Variants in MCCC1 observed in about 807,000 individuals in gnomAD.
MCCC1 encodes the protein methylcrotonyl-CoA carboxylase subunit 1, also known as methylcrotonoyl-CoA carboxylase subunit alpha, mitochondrial.
In MCCC1, 64 loss-of-function variants were observed where a neutral mutation model predicts 83.8. The ratio of observed to expected loss-of-function variants is 0.76; its 90% CI spans 0.62 to 0.94. The LOEUF (loss-of-function observed/expected upper bound fraction) is 0.94, where lower values mean the gene tolerates loss of function less well. Ranked by LOEUF, MCCC1 falls within the 40% of genes least tolerant of loss-of-function variation. MCCC1 has a pLI of 0.00. For synonymous variants in MCCC1, 322 were observed against 315.4 expected, an observed-to-expected ratio of 1.02 and a Z score of -0.22; for missense variants, 807 against 904.7, an observed-to-expected ratio of 0.89 and a Z score of 1.39.
At chr3:183,092,962 C>T (rs1718475794) in intron 2 of MCCC1, among the ~76,000 whole-genome samples, 1 of 151,218 alleles carries the variant, frequency 6.6e-6, no homozygotes. Context: ...GGTGTGATCT[C>T]GGCTCACTAC....
intron 1 of MCCC1, among the ~76,000 whole-genome samples, chr3:183,095,439 A>C (rs1428582250): frequency 1.3e-5 from 2 of 152,338 alleles, no homozygotes; most frequent in South Asian, 2.1e-4. Context: ...AAATAAACGG[A>C]AGTTAAACAG....
At position 183,048,102 on chromosome 3, in the gene MCCC1, A is replaced by C. The variant is rs1389667622; in HGVS notation, c.956-2562T>G. Reference sequence around the variant, plus strand: ...TCTTATGGAACCATTGTTATATTGAATAAAATGGTGTTATGCAGCATATGA... The same window carrying C: ...TCTTATGGAACCATTGTTATATTGACTAAAATGGTGTTATGCAGCATATGA... On this transcript the variant is annotated intron_variant, in intron 9 of 18. Coordinates refer to ENST00000265594, the MANE Select transcript of MCCC1 (RefSeq NM_020166.5). Among the ~76,000 whole-genome samples, 3 of 152,212 alleles carry C rather than the reference A, an allele frequency of 2.0e-5. No homozygotes were observed. The East Asian group carries it at 5.8e-4, about 29-fold the overall frequency.
intron 3 of MCCC1, 26 bp from the exon 4 acceptor site, chr3:183,086,814 A>C: frequency 1.2e-6 from 2 of 1,604,950 alleles, no homozygotes; most frequent in East Asian, 2.2e-5. Context: ...CACATGCTTA[A>C]AAGACTTTGT....
intron 7 of MCCC1, among the ~76,000 whole-genome samples, chr3:183,066,159 AATT>A (rs1245922825): frequency 6.6e-6 from 1 of 152,182 alleles, no homozygotes; most frequent in African/African-American, 2.4e-5. Context: ...TTATCAGTAT[AATT>A]ATAACTGTTA....
intron 8 of MCCC1, among the ~76,000 whole-genome samples, chr3:183,056,856 G>A (rs931119060): frequency 6.6e-6 from 1 of 152,074 alleles, no homozygotes; most frequent in Non-Finnish European, 1.5e-5. Flanking sequence ...CACCAAGCCC[G>A]GCTAATTTTG....
chr3:183,101,013 C>A (rs1436488250), upstream of MCCC1, among the ~76,000 whole-genome samples: 1 of 152,276 alleles, frequency 6.6e-6, no homozygotes, highest in African/African-American at 2.4e-5. Context: ...CCCTGCTGAC[C>A]CCGGGCAATG....
intron 8 of MCCC1, among the ~76,000 whole-genome samples, chr3:183,053,404 C>T (rs539575070): frequency 6.6e-6 from 1 of 152,228 alleles, no homozygotes; most frequent in South Asian, 2.1e-4. Flanking sequence ...GGGAGGATCA[C>T]TTGAGCCCAA....
intron 14 of MCCC1, among the ~76,000 whole-genome samples, chr3:183,033,740 GTTTAT>G (rs755327866): frequency 6.6e-6 from 1 of 151,940 alleles, no homozygotes; most frequent in Admixed American, 6.6e-5. Context: ...GTTTTGCTAT[GTTTAT>G]TTTATGACAT....
intron 1 of MCCC1, among the ~76,000 whole-genome samples, chr3:183,108,115 G>T (rs762180173): frequency 1.3e-5 from 2 of 152,104 alleles, no homozygotes; most frequent in East Asian, 3.8e-4. Flanking sequence ...ATGTTATTAC[G>T]CTGACAAGGA....
At chr3:183,032,873 CAAA>C (rs374480916) in intron 14 of MCCC1, among the ~76,000 whole-genome samples, 19 of 115,482 alleles carry the variant, frequency 1.6e-4, no homozygotes, top group Admixed American at 2.5e-4. Flanking sequence ...GAGTCTGTGT[CAAA>C]AAAAAAAAAA....
chr3:183,073,364 A>G (rs1458515775), intron 4 of MCCC1, among the ~76,000 whole-genome samples: 2 of 152,206 alleles, frequency 1.3e-5, no homozygotes, highest in African/African-American at 4.8e-5. Context: ...ATGGCATCCA[A>G]AAGCCCCAAA....
At chr3:183,036,143 T>A (rs986322935) in intron 13 of MCCC1, among the ~76,000 whole-genome samples, 1 of 152,084 alleles carries the variant, frequency 6.6e-6, no homozygotes, top group African/African-American at 2.4e-5. Context: ...GATGAGGTAA[T>A]GAACTTCCAG....
At chr3:183,017,388 T>C in intron 17 of MCCC1, 51 bp from the exon 18 acceptor site, 2 of 1,555,940 alleles carry the variant, frequency 1.3e-6, no homozygotes, top group African/African-American at 1.4e-5. Flanking sequence ...AGGTCCTAGA[T>C]ATGTTCATCT....
At chr3:183,058,388 G>C (rs1281059050) in intron 7 of MCCC1, among the ~76,000 whole-genome samples, 1 of 152,198 alleles carries the variant, frequency 6.6e-6, no homozygotes, top group Non-Finnish European at 1.5e-5. Flanking sequence ...GGCCAAGGCA[G>C]GAGGACTGCT....
At chr3:183,073,562 G>A (rs1346632283) in intron 4 of MCCC1, among the ~76,000 whole-genome samples, 1 of 152,224 alleles carries the variant, frequency 6.6e-6, no homozygotes, top group Non-Finnish European at 1.5e-5. Flanking sequence ...ATTTGACCAC[G>A]CTTCTGTTCA....
chr3:183,025,697 C>A (rs1712539461), intron 15 of MCCC1, 58 bp downstream of exon 15: 1 of 1,393,548 alleles, frequency 7.2e-7, no homozygotes, highest in Non-Finnish European at 1.0e-6. Context: ...AGACCCTATT[C>A]AGTATAAAAG....
At chr3:183,103,274 G>A (rs575260770), upstream of MCCC1, among the ~76,000 whole-genome samples, 23 of 152,178 alleles carry the variant, frequency 1.5e-4, no homozygotes, top group African/African-American at 5.3e-4. Flanking sequence ...TCCACAGTGT[G>A]GAAGCAGACC....
In MCCC1 at chr3:183,079,101, G is replaced by A. The variant is rs111247851; in HGVS notation, c.370-6614C>T. 4.2e-3 allele frequency among the ~76,000 whole-genome samples: 645 copies of A among 152,178 alleles called. 3 individuals are homozygous for A. Among genetic ancestry groups the A allele is most frequent in the African/African-American group, 0.015 (624 of 41,510 alleles). ...ACAATTGAAGATGAGATTTGGGTGG[G>A]GACACAGAACCAAACCATATCATTC... On this transcript the variant is annotated intron_variant, in intron 4 of 18. Coordinates refer to ENST00000265594, the MANE Select transcript of MCCC1 (RefSeq NM_020166.5).
intron 4 of MCCC1, among the ~76,000 whole-genome samples, chr3:183,084,944 T>C (rs1004753730): frequency 1.3e-5 from 2 of 152,162 alleles, no homozygotes; most frequent in South Asian, 2.1e-4. Context: ...ACTGGGTTGC[T>C]AGGAGGTATG....
Sources: allele counts gnomAD v4.1 joint callset (sites outside exome capture counted in the v4.1 genomes callset), GRCh38; gene constraint gnomAD v4.1.1; transcripts MANE v1.5; gene names NCBI Gene and HGNC (gene_info 2026-07-23, HGNC 2026-07-21).